The following XKR6 variants were observed in gnomAD, a reference collection of about 807,000 sequenced individuals.
XKR6 encodes the protein XK related 6.
In XKR6, 22 loss-of-function variants were observed where a neutral mutation model predicts 56.7. The ratio of observed to expected loss-of-function variants is 0.39; its 90% CI spans 0.28 to 0.55. The LOEUF is 0.55. Ranked by LOEUF, XKR6 falls within the 20% of genes least tolerant of loss-of-function variation. The pLI, the probability that XKR6 is intolerant of heterozygous loss-of-function variation, is 0.66. For missense variants in XKR6, 852 were observed against 889.0 expected (o/e 0.96, Z 0.53); for synonymous variants, 524 against 387.8 (o/e 1.35, Z -4.13).
chr8:10,904,129 C>T (rs908739920), intron 2 of XKR6, among the ~76,000 whole-genome samples: 4 of 152,128 alleles, frequency 2.6e-5, no homozygotes, highest in Admixed American at 2.0e-4. Flanking sequence ...AATTGTTACA[C>T]GCTTCACGTT....
intron 1 of XKR6, among the ~76,000 whole-genome samples, chr8:11,123,096 G>A (rs1019788511): frequency 5.3e-5 from 8 of 151,958 alleles, no homozygotes; most frequent in Admixed American, 5.2e-4. Context: ...AAATAGCCAG[G>A]TGTGGTGGCA....
At chr8:11,124,919 C>T (rs1220540675) in intron 1 of XKR6, 1 of 142,320 alleles carries the variant, frequency 7.0e-6, no homozygotes, top group Non-Finnish European at 1.5e-5. Context: ...CCCGTCACTA[C>T]TATTAAAAAA....
At chr8:11,023,576 A>T (rs948149119) in intron 1 of XKR6, among the ~76,000 whole-genome samples, 4 of 152,130 alleles carry the variant, frequency 2.6e-5, no homozygotes, top group African/African-American at 9.7e-5. Context: ...ACTGCTTTCT[A>T]AAGAGATTTT....
intron 1 of XKR6, among the ~76,000 whole-genome samples, chr8:11,001,790 G>C (rs550418150): frequency 6.6e-6 from 1 of 152,294 alleles, no homozygotes; most frequent in African/African-American, 2.4e-5. Context: ...CCTCCCAGTG[G>C]GCAGAGCAGC....
At chr8:10,921,428 C>G (rs1433265169) in intron 2 of XKR6, among the ~76,000 whole-genome samples, 2 of 152,214 alleles carry the variant, frequency 1.3e-5, no homozygotes, top group Non-Finnish European at 2.9e-5. Context: ...AGGTGACCGT[C>G]AGAGCCCTAT....
At chr8:11,120,501 G>A (rs1027799558) in intron 1 of XKR6, among the ~76,000 whole-genome samples, 42 of 152,066 alleles carry the variant, frequency 2.8e-4, no homozygotes, top group Non-Finnish European at 4.4e-4. Flanking sequence ...ACCTCTTCAA[G>A]GAGAACTACA....
chr8:11,084,761 G>T (rs1797832328), intron 1 of XKR6, among the ~76,000 whole-genome samples: 1 of 152,194 alleles, frequency 6.6e-6, no homozygotes, highest in African/African-American at 2.4e-5. Flanking sequence ...CCAAGGCTCA[G>T]AGAAGGTTCT....
chr8:11,059,366 C>G (rs1381270239), intron 1 of XKR6, among the ~76,000 whole-genome samples: 1 of 152,234 alleles, frequency 6.6e-6, no homozygotes, highest in Non-Finnish European at 1.5e-5. Context: ...TGCGTTTTCC[C>G]TCTCCAGCCC....
At chr8:11,126,015 C>G (rs963702095) in intron 1 of XKR6, 3 of 151,828 alleles carry the variant, frequency 2.0e-5, no homozygotes, top group Non-Finnish European at 4.4e-5. Flanking sequence ...AGTAAGTCTG[C>G]TCTTCTATAA....
chr8:11,012,128 T>A (rs756365227), intron 1 of XKR6, among the ~76,000 whole-genome samples: 6 of 152,068 alleles, frequency 3.9e-5, no homozygotes, highest in Admixed American at 1.3e-4. Flanking sequence ...TCCGCCTACC[T>A]CAACTGTGCC....
chr8:11,075,481 T>C (rs1422383818), intron 1 of XKR6, among the ~76,000 whole-genome samples: 3 of 152,168 alleles, frequency 2.0e-5, no homozygotes, highest in Non-Finnish European at 4.4e-5. Context: ...AAGACTATCA[T>C]GACCCCTACC....
intron 1 of XKR6, among the ~76,000 whole-genome samples, chr8:10,991,035 C>T (rs1373499483): frequency 1.3e-5 from 2 of 150,592 alleles, no homozygotes; most frequent in African/African-American, 4.9e-5. Context: ...TCCTGAGTAA[C>T]TGGGATTACA....
chr8:11,088,477 C>T (rs1452920293), intron 1 of XKR6, among the ~76,000 whole-genome samples: 1 of 152,114 alleles, frequency 6.6e-6, no homozygotes, highest in Non-Finnish European at 1.5e-5. Flanking sequence ...AGCGCAATGT[C>T]CCTAGAGAGG....
intron 1 of XKR6, among the ~76,000 whole-genome samples, chr8:11,012,510 C>G (rs535681354): frequency 6.6e-6 from 1 of 152,162 alleles, no homozygotes; most frequent in African/African-American, 2.4e-5. Flanking sequence ...ATCACCATCA[C>G]CATCACCATC....
intron 2 of XKR6, among the ~76,000 whole-genome samples, chr8:10,913,656 C>A (rs151141210): frequency 2.6e-5 from 4 of 152,202 alleles, no homozygotes; most frequent in African/African-American, 7.2e-5. Context: ...GGACCTGCCC[C>A]GGTGCACTCA....
chr8:11,111,618 T>C (rs1451127594), intron 1 of XKR6: 4 of 152,022 alleles, frequency 2.6e-5, no homozygotes, highest in South Asian at 2.1e-4. Flanking sequence ...CTGGGAAAAA[T>C]GAGGTTCATA....
chr8:10,980,155 G>A (rs1797696344), intron 1 of XKR6, among the ~76,000 whole-genome samples: 1 of 152,322 alleles, frequency 6.6e-6, no homozygotes. Context: ...GGGAACGTCT[G>A]AGCTTGGTAC....
chr8:11,090,405 GT>G (rs34476021), intron 1 of XKR6, among the ~76,000 whole-genome samples: 72,072 of 147,936 alleles, frequency 0.49, 19,434 homozygotes, highest in African/African-American at 0.71. Flanking sequence ...CTTTTTAATG[GT>G]TTTTTTTTTT....
chr8:11,044,476 A>G (rs1203882204), intron 1 of XKR6, among the ~76,000 whole-genome samples: 2 of 152,078 alleles, frequency 1.3e-5, no homozygotes, highest in African/African-American at 4.8e-5. Flanking sequence ...TCCTTTCTAA[A>G]TTCATCAATT....
Sources: allele counts gnomAD v4.1 joint callset (sites outside exome capture counted in the v4.1 genomes callset), GRCh38; gene constraint gnomAD v4.1.1; transcripts MANE v1.5; gene names NCBI Gene and HGNC (gene_info 2026-07-23, HGNC 2026-07-21).